The following AGBL4 variants were observed in gnomAD, a reference collection of about 807,000 sequenced individuals.
AGBL4 encodes the protein cytosolic carboxypeptidase 6.
Under a neutral mutation model 66.4 loss-of-function variants are expected in AGBL4, and 58 were observed. That is an observed-to-expected ratio of 0.87 (90% CI 0.71 to 1.09). AGBL4 has a LOEUF of 1.09. Ranked by LOEUF, AGBL4 falls within the 50% of genes least tolerant of loss-of-function variation. The probability of loss-of-function intolerance (pLI) is 0.00; values close to 1 mark genes in which losing one functional copy is unlikely to be tolerated. For synonymous variants in AGBL4, 234 were observed against 222.9 expected (o/e 1.05, Z -0.44); for missense variants, 579 against 631.0 (o/e 0.92, Z 0.88).
intron 5 of AGBL4, among the ~76,000 whole-genome samples, chr1:48,896,780 T>TC (rs1421771112): frequency 2.0e-5 from 3 of 151,564 alleles, no homozygotes; most frequent in African/African-American, 4.9e-5. Context: ...TTTCTTTCTT[T>TC]TTTTTTACTA....
intron 5 of AGBL4, among the ~76,000 whole-genome samples, chr1:48,870,673 A>C (rs1648562260): frequency 6.6e-6 from 1 of 152,140 alleles, no homozygotes; most frequent in South Asian, 2.1e-4. Flanking sequence ...ACTGTTGCCC[A>C]GAGCATTACT....
At chr1:49,436,011 T>C (rs1227468984) in intron 3 of AGBL4, among the ~76,000 whole-genome samples, 1 of 152,160 alleles carries the variant, frequency 6.6e-6, no homozygotes, top group African/African-American at 2.4e-5. Flanking sequence ...CTAATGATGT[T>C]TGTGAGAGGG....
At chr1:49,364,174 A>G (rs1369172127) in intron 3 of AGBL4, among the ~76,000 whole-genome samples, 2 of 152,346 alleles carry the variant, frequency 1.3e-5, no homozygotes, top group East Asian at 1.9e-4. Flanking sequence ...AAATTAATTA[A>G]TGGGAGACCA....
At chr1:49,582,327 G>T (rs1571101506) in intron 3 of AGBL4, among the ~76,000 whole-genome samples, 1 of 152,200 alleles carries the variant, frequency 6.6e-6, no homozygotes, top group Non-Finnish European at 1.5e-5. Context: ...CCTTCCACAA[G>T]GTAGGAGTGG....
At chr1:48,534,390 A>G in intron 13 of AGBL4, 97 bp from the exon 14 acceptor site, 1 of 1,428,290 alleles carries the variant, frequency 7.0e-7, no homozygotes, top group South Asian at 1.5e-5. Context: ...ACTGGACTGT[A>G]GCCTCCCAGG....
intron 1 of AGBL4, among the ~76,000 whole-genome samples, chr1:49,982,584 A>T (rs1022183642): frequency 1.3e-5 from 2 of 152,184 alleles, no homozygotes; most frequent in African/African-American, 2.4e-5. Flanking sequence ...ATGAAGCCCC[A>T]CCTTCAAGCT....
At chr1:48,867,646 A>G (rs1648242072) in intron 5 of AGBL4, among the ~76,000 whole-genome samples, 1 of 152,156 alleles carries the variant, frequency 6.6e-6, no homozygotes, top group Non-Finnish European at 1.5e-5. Flanking sequence ...TATATTGGCA[A>G]TGCTCTTTGC....
At chr1:49,651,629 G>T (rs555076757) in intron 3 of AGBL4, among the ~76,000 whole-genome samples, 1 of 152,018 alleles carries the variant, frequency 6.6e-6, no homozygotes, top group South Asian at 2.1e-4. Flanking sequence ...CTTGGCCCCT[G>T]AAAGCATCCA....
intron 3 of AGBL4, among the ~76,000 whole-genome samples, chr1:49,524,648 C>T (rs897138836): frequency 6.6e-6 from 1 of 151,894 alleles, no homozygotes; most frequent in Non-Finnish European, 1.5e-5. Context: ...TTATCAGACA[C>T]ACATTATAAT....
At chr1:49,893,951 G>C (rs1315314910) in intron 1 of AGBL4, among the ~76,000 whole-genome samples, 1 of 152,172 alleles carries the variant, frequency 6.6e-6, no homozygotes, top group Non-Finnish European at 1.5e-5. Context: ...GTCTCACTCA[G>C]CACACTCCCA....
At chr1:49,503,145 T>A (rs1322746720) in intron 3 of AGBL4, among the ~76,000 whole-genome samples, 1 of 152,000 alleles carries the variant, frequency 6.6e-6, no homozygotes, top group African/African-American at 2.4e-5. Flanking sequence ...TCCCAGCCAC[T>A]CCAGCCATGG....
chr1:48,874,030 T>C (rs544753284), intron 5 of AGBL4, among the ~76,000 whole-genome samples: 1 of 152,266 alleles, frequency 6.6e-6, no homozygotes, highest in South Asian at 2.1e-4. Flanking sequence ...TCGTGCAAGA[T>C]AGCTATTTGG....
In AGBL4 at chr1:50,001,610, C is replaced by G. The variant is rs562411908; in HGVS notation, c.34+22153G>C. Reference sequence around the variant, plus strand: ...CGCAAGTAAAACAAAATCAGTGAAGCAGACTAAAAATAAGAAATTAAGGAG... The same window carrying G: ...CGCAAGTAAAACAAAATCAGTGAAGGAGACTAAAAATAAGAAATTAAGGAG... On this transcript the variant is annotated intron_variant, in intron 1 of 13. Coordinates refer to ENST00000371839, the MANE Select transcript of AGBL4 (RefSeq NM_032785.4). Among the ~76,000 whole-genome samples, 5 of 151,980 alleles carry G rather than the reference C, an allele frequency of 3.3e-5. No individual in the cohort carries two copies. In the South Asian group the frequency reaches 1.0e-3, roughly 32 times the overall value.
At chr1:48,596,540 T>C (rs1225011265) in intron 9 of AGBL4, among the ~76,000 whole-genome samples, 1 of 152,216 alleles carries the variant, frequency 6.6e-6, no homozygotes, top group Non-Finnish European at 1.5e-5. Context: ...ACTCTTTCTT[T>C]AATATCAACC....
intron 11 of AGBL4, chr1:48,584,748 T>C (rs1365003984): frequency 1.3e-5 from 2 of 152,360 alleles, no homozygotes; most frequent in Non-Finnish European, 2.9e-5. Context: ...TCAGTTTAGA[T>C]GTCTCTTTTC....
chr1:49,992,865 C>T (rs777116129), intron 1 of AGBL4, among the ~76,000 whole-genome samples: 5 of 152,208 alleles, frequency 3.3e-5, no homozygotes, highest in Non-Finnish European at 5.9e-5. Flanking sequence ...AATGTTCCCA[C>T]TAAGGGAACA....
intron 2 of AGBL4, among the ~76,000 whole-genome samples, chr1:49,839,634 T>A (rs1007605062): frequency 6.6e-6 from 1 of 152,200 alleles, no homozygotes; most frequent in African/African-American, 2.4e-5. Context: ...TTTGGTTGCA[T>A]AGTGGAGCAT....
intron 2 of AGBL4, among the ~76,000 whole-genome samples, chr1:49,830,938 G>C (rs916090388): frequency 6.6e-5 from 10 of 152,104 alleles, no homozygotes; most frequent in African/African-American, 2.4e-4. Context: ...TGTTATTTCT[G>C]AGGCCTCTGT....
intron 9 of AGBL4, among the ~76,000 whole-genome samples, chr1:48,632,892 T>C (rs568602058): frequency 1.3e-5 from 2 of 152,362 alleles, no homozygotes; most frequent in South Asian, 2.1e-4. Context: ...AGTTTCTCTC[T>C]GCAAGGAAAG....
Sources: allele counts gnomAD v4.1 joint callset (sites outside exome capture counted in the v4.1 genomes callset), GRCh38; gene constraint gnomAD v4.1.1; transcripts MANE v1.5; gene names NCBI Gene and HGNC (gene_info 2026-07-23, HGNC 2026-07-21).